Variants in GRIN3B observed in about 807,000 individuals in gnomAD.
The protein encoded by GRIN3B is glutamate ionotropic receptor NMDA type subunit 3B.
GRIN3B carries 77 observed loss-of-function variants against 66.0 expected under a neutral mutation model. The observed-to-expected ratio is 1.17, with a 90% CI of 0.97 to 1.41. GRIN3B has a LOEUF of 1.41. Ranked by LOEUF, GRIN3B falls within the 40% of genes most tolerant of loss-of-function variation. The probability of loss-of-function intolerance (pLI) is 0.00; values close to 1 mark genes in which losing one functional copy is unlikely to be tolerated. For missense variants in GRIN3B, 1,787 were observed against 1,564.5 expected, an observed-to-expected ratio of 1.14 and a Z score of -2.40; for synonymous variants, 823 against 749.7, an observed-to-expected ratio of 1.10 and a Z score of -1.60.
chr19:1,003,709 C>A lies in GRIN3B; in HGVS notation c.1006C>A (p.Arg336Ser). 1.4e-6 allele frequency: 2 copies of A among 1,402,546 alleles called. No individual in the cohort carries two copies. The highest frequency in any genetic ancestry group is 1.8e-6 in the Non-Finnish European group (2 of 1,085,066). 86.9% of individuals were successfully genotyped at this position (1,402,546 alleles called of 1,614,324 possible). Residue 336 changes from arginine (R) to serine (S), a missense_variant, in exon 2 of 9, where the codon CGC becomes AGC. By Grantham distance (110) the Arg-to-Ser change is moderately radical. Transcript: ENST00000234389. ...LQPAGPESPGRFLARFLANTS... is the reference protein window; with the variant it reads ...LQPAGPESPGSFLARFLANTS... ...GCCGGCCGGGCCCGAGTCCCCGGGG[C>A]GCTTCTTGGCACGGTGAGTGGGGAC...
In GRIN3B at chr19:1,005,583, C is replaced by T; in HGVS notation, c.2052+30C>T. On this transcript the variant is annotated intron_variant, in intron 3 of 8. Coordinates refer to ENST00000234389, the MANE Select transcript of GRIN3B (RefSeq NM_138690.3). The surrounding 1 kb of genome is among the most constrained non-coding windows in gnomAD (Gnocchi z 5.2). Reference sequence around the variant, plus strand: ...GCGGCCTCGGGGGGCTGCGGGTGGCCTTGGGGGGCTAGCGGTGGCCCCGGG... The same window carrying T: ...GCGGCCTCGGGGGGCTGCGGGTGGCTTTGGGGGGCTAGCGGTGGCCCCGGG... The T allele has an allele frequency of 6.6e-7, 1 of 1,514,906 alleles. No individual in the cohort carries two copies. Among genetic ancestry groups the T allele is most frequent in the Non-Finnish European group, 8.9e-7 (1 of 1,126,956 alleles). 93.8% of individuals were successfully genotyped at this position (1,514,906 alleles called of 1,614,324 possible).
chr19:1,008,552 A>AG (rs1382798914), intron 6 of GRIN3B, 66 bp from the exon 7 acceptor site: 18 of 1,535,282 alleles, frequency 1.2e-5, no homozygotes, highest in African/African-American at 2.7e-5. Flanking sequence ...GTTCTCCCCT[A>AG]GTTCAAGGCT....
Position 1,004,512 on chromosome 19 carries a change from T to G in GRIN3B, c.1020-9T>G. ...TCGACACCTGACACCCCCCCCGCCC[T>G]GCCCCTAGGTTCCTGGCCAACACGT... On this transcript the variant is annotated splice_polypyrimidine_tract_variant and intron_variant, in intron 2 of 8. Coordinates refer to ENST00000234389, the MANE Select transcript of GRIN3B (RefSeq NM_138690.3). 8 of 544,446 alleles carry G rather than the reference T, an allele frequency of 1.5e-5. No individual in the cohort carries two copies. The highest frequency in any genetic ancestry group is 2.0e-5 in the Non-Finnish European group (6 of 306,130). The allele number at this position is 544,446 out of a possible 1,614,324, so 33.7% of individuals were successfully genotyped here. A position where few individuals can be genotyped will look rare whatever the true frequency, so the allele number is the denominator to read the frequency against.
At chr19:1,001,063 A>G (rs1034695776) in intron 1 of GRIN3B, among the ~76,000 whole-genome samples, 200 bp downstream of exon 1, 13 of 152,092 alleles carry the variant, frequency 8.5e-5, no homozygotes, top group African/African-American at 3.1e-4. Flanking sequence ...ACCCAGAGGA[A>G]GAGACCCAGG....
chr19:1,008,513 G>C, intron 6 of GRIN3B, 105 bp from the exon 7 acceptor site: 1 of 1,362,760 alleles, frequency 7.3e-7, no homozygotes, highest in South Asian at 1.3e-5. Context: ...TGGCTCCACT[G>C]CCCCAAGCCC....
intron 1 of GRIN3B, chr19:1,002,860 G>A (rs2038697119): frequency 2.7e-6 from 1 of 373,210 alleles, no homozygotes; most frequent in Non-Finnish European, 4.8e-6. Flanking sequence ...ATTCCATCCG[G>A]GGAATGGCAC....
rs1290417737 is a variant in GRIN3B at position 1,007,138 on chromosome 19, A to C, written c.2053-490A>C. Among the ~76,000 whole-genome samples, 3 of 152,124 alleles carry C rather than the reference A, an allele frequency of 2.0e-5. No individual in the cohort carries two copies. The highest frequency in any genetic ancestry group is 7.2e-5 in the African/African-American group (3 of 41,418). On this transcript the variant is annotated intron_variant, in intron 3 of 8. Coordinates refer to ENST00000234389, the MANE Select transcript of GRIN3B (RefSeq NM_138690.3). The surrounding 1 kb of genome is among the most constrained non-coding windows in gnomAD (Gnocchi z 4.4). ...AGCTGTGGAGGGGTGAGCAGTGGGC[A>C]GTTCCCTGTGTTGCAGGTGGCGCCC...
At position 1,009,559 on chromosome 19, in the gene GRIN3B, C is replaced by G. The variant is rs2038823762; in HGVS notation, c.3089C>G (p.Ala1030Gly). Residue 1030 changes from alanine (A) to glycine (G), a missense_variant, in exon 9 of 9, where the codon GCG (alanine) becomes GGG (glycine). Physicochemically the swap from Ala to Gly is moderately conservative, Grantham distance 60. Coordinates refer to ENST00000234389, the MANE Select transcript of GRIN3B (RefSeq NM_138690.3). ...RRLLQARAAP[A>G]EAPPHSGRPG... is the part of the protein sequence containing the mutation. ...TTGCTTCAGGCCAGAGCGGCCCCCG[C>G]GGAGGCCCCACCACACTCTGGCCGA... 1 of 896,394 alleles carries G rather than the reference C, an allele frequency of 1.1e-6. No individual in the cohort carries two copies. Among genetic ancestry groups the G allele is most frequent in the Non-Finnish European group, 1.5e-6 (1 of 662,542 alleles). The allele number at this position is 896,394 out of a possible 1,614,324, so 55.5% of individuals were successfully genotyped here.
intron 6 of GRIN3B, 28 bp downstream of exon 6, chr19:1,008,319 G>T: frequency 2.3e-6 from 3 of 1,306,042 alleles, no homozygotes; most frequent in Non-Finnish European, 3.2e-6. Context: ...ACAGAGGGTG[G>T]GGGTGGGGGT....
Position 1,000,834 on chromosome 19 carries a change from C to A in GRIN3B, c.397C>A (p.Arg133=). The change falls in exon 1 of 9, where the codon CGG becomes AGG. Residue 133 remains arginine (R), a synonymous_variant. Coordinates refer to ENST00000234389, the MANE Select transcript of GRIN3B (RefSeq NM_138690.3). ...TETPVLSLLR[R]EARAPLGAPN... The stretch of plus-strand genomic sequence containing the variant: ...GACCCCCGTGCTCAGCCTGCTGCGG[C>A]GGGAGGCGCGCGCGCCCCTCGGAGC... 7.0e-7 allele frequency: 1 copy of A among 1,437,458 alleles called. No individual in the cohort carries two copies. The highest frequency in any genetic ancestry group is 9.1e-7 in the Non-Finnish European group (1 of 1,101,844). The allele number at this position is 1,437,458 out of a possible 1,614,324, so 89.0% of individuals were successfully genotyped here. A position where few individuals can be genotyped will look rare whatever the true frequency, so the allele number is the denominator to read the frequency against.
In GRIN3B at chr19:1,005,628, G is replaced by A; in HGVS notation, c.2052+75G>A. The A allele has an allele frequency of 1.6e-5, 20 of 1,233,148 alleles. No individual in the cohort carries two copies. Among genetic ancestry groups the A allele is most frequent in the Non-Finnish European group, 2.0e-5 (18 of 902,428 alleles). The allele number at this position is 1,233,148 out of a possible 1,614,324, so 76.4% of individuals were successfully genotyped here. A position where few individuals can be genotyped will look rare whatever the true frequency, so the allele number is the denominator to read the frequency against. On this transcript the variant is annotated intron_variant, in intron 3 of 8. Transcript: ENST00000234389. This position sits in a 1 kb window ranked among gnomAD's most constrained non-coding sequence, Gnocchi z 5.2. ...CCCGGGCTGGGCTGTGTGGGGCAGG[G>A]GTGGTCAGCTGGACGTGGAGGACGT... is the stretch of plus-strand genomic sequence containing the variant.
chr19:1,009,138 CCGG>C (rs1599463602), intron 8 of GRIN3B, 32 bp from the exon 9 acceptor site: 4 of 1,442,970 alleles, frequency 2.8e-6, no homozygotes, highest in Non-Finnish European at 3.6e-6. Flanking sequence ...GACGGCTGCC[CCGG>C]CGGACACTGA....
rs1171970921 is a variant in GRIN3B, at chr19:1,004,493, C to T, written c.1020-28C>T. ...GGATGGAGGGGTGTGAACTTCGACA[C>T]CTGACACCCCCCCCGCCCTGCCCCT... On this transcript the variant is annotated intron_variant, in intron 2 of 8. Transcript: ENST00000234389. The T allele has an allele frequency of 3.9e-6, 6 of 1,554,264 alleles. No individual in the cohort carries two copies. The African/African-American group carries it at 6.8e-5, about 18-fold the overall frequency.
At position 1,005,231 on chromosome 19, in the gene GRIN3B, C is replaced by T. The variant is rs2240158; in HGVS notation, c.1730C>T (p.Thr577Met). ...TTTATGTGGCCCCTGCACTGGTCCA[C>T]GTGGCTGGGCGTCTTTGCGGCCCTG... ...GAFMWPLHWS[T>M]WLGVFAALHL... Residue 577 changes from threonine (T) to methionine (M), a missense_variant, in exon 3 of 9, where the codon ACG becomes ATG. By Grantham distance (81) the Thr-to-Met change is moderately conservative. Transcript: ENST00000234389. The surrounding 1 kb of genome is among the most constrained non-coding windows in gnomAD (Gnocchi z 5.2). 616,991 of 1,613,224 alleles carry T rather than the reference C, an allele frequency of 0.38. 120,816 individuals carry two copies. Among genetic ancestry groups the T allele is most frequent in the African/African-American group, 0.51 (38,207 of 74,966 alleles).
Position 1,009,643 on chromosome 19 carries a change from C to A in GRIN3B, c.*41C>A. The A allele has an allele frequency of 7.5e-7, 1 of 1,333,644 alleles. No individual in the cohort carries two copies. Among genetic ancestry groups the A allele is most frequent in the South Asian group, 1.7e-5 (1 of 59,000 alleles). The allele number at this position is 1,333,644 out of a possible 1,614,324, so 82.6% of individuals were successfully genotyped here. ...GTTTGGGCTCAAGACACACACACAG[C>A]GCAGTGAGCCGCTGTCAACAGACAG... On this transcript the variant is annotated 3_prime_UTR_variant, in exon 9 of 9. Transcript: ENST00000234389.
chr19:1,004,509 C>A lies in GRIN3B; in HGVS notation c.1020-12C>A, dbSNP rs1257146477. The A allele has an allele frequency of 3.8e-6, 6 of 1,564,912 alleles. No individual in the cohort carries two copies. The highest frequency in any genetic ancestry group is 1.8e-5 in the Admixed American group (1 of 55,336). On this transcript the variant is annotated splice_polypyrimidine_tract_variant and intron_variant, in intron 2 of 8. Transcript: ENST00000234389. ...ACTTCGACACCTGACACCCCCCCCG[C>A]CCTGCCCCTAGGTTCCTGGCCAACA...
Position 1,000,606 on chromosome 19 carries a change from C to G in GRIN3B, c.169C>G (p.Leu57Val). 1 of 1,075,758 alleles carries G rather than the reference C, an allele frequency of 9.3e-7. No individual in the cohort carries two copies. Among genetic ancestry groups the G allele is most frequent in the South Asian group, 4.1e-5 (1 of 24,642 alleles). 66.6% of individuals were successfully genotyped at this position (1,075,758 alleles called of 1,614,324 possible). The stretch of plus-strand genomic sequence containing the variant: ...CGCCCGCGCCCGCGCCCGCGCCGCC[C>G]TGGCCCGGGCCGCCCTGGCGCCGCG... ...PLARARARAA[L>V]ARAALAPRLP... is the part of the protein sequence containing the mutation. Residue 57 changes from leucine (L) to valine (V), a missense_variant, in exon 1 of 9, where the codon CTG (leucine) becomes GTG (valine). Leu to Val is a conservative substitution (Grantham distance 32). Transcript: ENST00000234389.
At position 1,009,596 on chromosome 19, in the gene GRIN3B, G is replaced by A. The variant is rs532118045; in HGVS notation, c.3126G>A (p.Gln1042=). The A allele has an allele frequency of 1.5e-4, 217 of 1,433,014 alleles. No homozygotes were observed. The African/African-American group carries it at 2.3e-3, about 15-fold the overall frequency. The allele number at this position is 1,433,014 out of a possible 1,614,324, so 88.8% of individuals were successfully genotyped here. ...APPHSGRPGS[Q]E is the part of the protein sequence containing the mutation. ...CACACTCTGGCCGACCGGGGAGCCA[G>A]GAATGAGGCGGCAGCCGGGCCGTTT... Residue 1042 remains glutamine (Q), a synonymous_variant, in exon 9 of 9, where the codon CAG becomes CAA. Transcript: ENST00000234389.
At position 1,005,417 on chromosome 19, in the gene GRIN3B, GC is replaced by G. The variant is rs1265788787; in HGVS notation, c.1920del (p.Thr641ArgfsTer6). 2 of 1,613,510 alleles carry G rather than the reference GC, an allele frequency of 1.2e-6. No individual in the cohort carries two copies. The highest frequency in any genetic ancestry group is 1.7e-6 in the Non-Finnish European group (2 of 1,180,002). On this transcript the variant is annotated frameshift_variant, in exon 3 of 9. Coordinates refer to ENST00000234389, the MANE Select transcript of GRIN3B (RefSeq NM_138690.3). LOFTEE classifies it high-confidence loss of function. The surrounding 1 kb of genome is among the most constrained non-coding windows in gnomAD (Gnocchi z 5.2). ...RRTVSSKTPK[C>X]PTGRLLMNLW... ...ACCGTGTCCAGCAAGACGCCCAAGT[GC>G]CCCACGGGCCGCCTGCTCATGAACC...
Sources: gnomAD v4.1 joint callset for allele counts (sites outside exome capture counted in the v4.1 genomes callset) on GRCh38, gnomAD v4.1.1 for gene constraint, Gnocchi (gnomAD v3.1) non-coding constraint, MANE v1.5 for transcripts, NCBI Gene and HGNC (gene_info 2026-07-23, HGNC 2026-07-21) for gene names.